The following WWC2 variants were observed in gnomAD, a reference collection of about 807,000 sequenced individuals.
The protein encoded by WWC2 is protein WWC2.
Under a neutral mutation model 138.5 loss-of-function variants are expected in WWC2, and 101 were observed. The observed-to-expected ratio is 0.73, with a 90% CI of 0.62 to 0.86. The LOEUF is 0.86. WWC2 is among the 40% of genes least tolerant of loss of function. The pLI is 0.00. For missense variants in WWC2, 1,420 were observed against 1,419.4 expected (o/e 1.00, Z -0.01); for synonymous variants, 558 against 538.4 (o/e 1.04, Z -0.50).
chr4:183,240,912 G>T (rs1736596619), intron 5 of WWC2, among the ~76,000 whole-genome samples: 1 of 152,172 alleles, frequency 6.6e-6, no homozygotes, highest in Non-Finnish European at 1.5e-5. Flanking sequence ...ACAGGATGAG[G>T]ATATCCCTTC....
At chr4:183,139,593 C>T (rs1284336257) in intron 1 of WWC2, among the ~76,000 whole-genome samples, 2 of 152,182 alleles carry the variant, frequency 1.3e-5, no homozygotes, top group African/African-American at 2.4e-5. Flanking sequence ...ACAGAGCCCA[C>T]TCTTGACAGA....
At chr4:183,300,449 G>T (rs1412325956) in intron 21 of WWC2, among the ~76,000 whole-genome samples, 1 of 151,054 alleles carries the variant, frequency 6.6e-6, no homozygotes, top group African/African-American at 2.4e-5. Context: ...TAATGCAAAT[G>T]TTAACACTCT....
intron 16 of WWC2, among the ~76,000 whole-genome samples, chr4:183,271,970 C>T (rs1475285123): frequency 2.6e-5 from 4 of 152,138 alleles, no homozygotes; most frequent in Non-Finnish European, 4.4e-5. Flanking sequence ...CATGCCACTG[C>T]ACTCCAGCCT....
chr4:183,253,850 T>A lies in WWC2; in HGVS notation c.1047T>A (p.Asn349Lys). Residue 349 changes from asparagine (N) to lysine (K), a missense_variant, in exon 9 of 23, where the codon AAT becomes AAA. Physicochemically the swap from Asn to Lys is moderately conservative, Grantham distance 94. Coordinates refer to ENST00000403733, the MANE Select transcript of WWC2 (RefSeq NM_024949.6). ...DIEKEKLMLI[N>K]EKEELLKELQ... ...AGAAGGAAAAACTGATGCTGATTAA[T>A]GAAAAAGAAGAACTTTTGAAAGAGC... 6.2e-7 allele frequency: 1 copy of A among 1,613,748 alleles called. No individual in the cohort carries two copies. The highest frequency in any genetic ancestry group is 8.5e-7 in the Non-Finnish European group (1 of 1,179,820).
At chr4:183,265,575 A>G in intron 12 of WWC2, 113 bp from the exon 13 acceptor site, 1 of 1,062,242 alleles carries the variant, frequency 9.4e-7, no homozygotes, top group Non-Finnish European at 1.4e-6. Flanking sequence ...CTGGGAGGGC[A>G]TAGGAGTGCT....
intron 1 of WWC2, among the ~76,000 whole-genome samples, chr4:183,162,395 C>T (rs898824151): frequency 6.6e-6 from 1 of 152,186 alleles, no homozygotes; most frequent in Non-Finnish European, 1.5e-5. Flanking sequence ...CATATTTCAG[C>T]TTGCAAGGTA....
intron 1 of WWC2, among the ~76,000 whole-genome samples, chr4:183,142,513 CAA>C (rs1257977095): frequency 6.6e-6 from 1 of 152,188 alleles, no homozygotes; most frequent in African/African-American, 2.4e-5. Flanking sequence ...TTGACCCCGA[CAA>C]AGAGAGTGTG....
intron 16 of WWC2, among the ~76,000 whole-genome samples, chr4:183,279,529 T>G (rs1737994861): frequency 6.6e-6 from 1 of 152,230 alleles, no homozygotes; most frequent in African/African-American, 2.4e-5. Context: ...TTCTATTGAT[T>G]GGAATAGTTT....
chr4:183,192,178 C>G (rs1735009689), intron 1 of WWC2, among the ~76,000 whole-genome samples: 1 of 152,216 alleles, frequency 6.6e-6, no homozygotes, highest in South Asian at 2.1e-4. Flanking sequence ...TAATCACTGA[C>G]ATTTATTGAC....
At chr4:183,292,583 A>G (rs942169345) in intron 21 of WWC2, among the ~76,000 whole-genome samples, 7 of 151,860 alleles carry the variant, frequency 4.6e-5, no homozygotes, top group East Asian at 1.9e-4. Context: ...AAGAATAAAA[A>G]GGATAGAAAA....
chr4:183,152,703 T>C lies in WWC2; in HGVS notation c.132-40896T>C, dbSNP rs557862736. 4.0e-5 allele frequency among the ~76,000 whole-genome samples: 6 copies of C among 151,866 alleles called. No homozygotes were observed. In the South Asian group the frequency reaches 1.0e-3, roughly 26 times the overall value. ...TTCAAGACCAGCCTGGCCAACATGG[T>C]GAAACCTGTCTTTACTAAATATACA... On this transcript the variant is annotated intron_variant, in intron 1 of 22. Coordinates refer to ENST00000403733, the MANE Select transcript of WWC2 (RefSeq NM_024949.6).
At chr4:183,220,691 G>T (rs1370687328) in intron 4 of WWC2, among the ~76,000 whole-genome samples, 1 of 152,008 alleles carries the variant, frequency 6.6e-6, no homozygotes, top group Non-Finnish European at 1.5e-5. Flanking sequence ...AAAAGTAGCC[G>T]GGCGTGGTGG....
rs1739594315 is a variant in WWC2, at chr4:183,320,114, G to T, written c.*4385G>T. On this transcript the variant is annotated 3_prime_UTR_variant, in exon 23 of 23. Coordinates refer to ENST00000403733, the MANE Select transcript of WWC2 (RefSeq NM_024949.6). ...CCATTTCATTTAAGTCCAGGTTGAG[G>T]TTCTTCCAGTGTGGCAGGTAGTTTG... is the stretch of plus-strand genomic sequence containing the variant. The T allele has an allele frequency of 6.2e-7, 1 of 1,614,118 alleles. No individual in the cohort carries two copies. Among genetic ancestry groups the T allele is most frequent in the East Asian group, 2.2e-5 (1 of 44,884 alleles).
chr4:183,297,154 G>A (rs1738659841), intron 21 of WWC2, among the ~76,000 whole-genome samples: 1 of 151,432 alleles, frequency 6.6e-6, no homozygotes, highest in Non-Finnish European at 1.5e-5. Flanking sequence ...TTATTTTTTT[G>A]TAGAAACCGG....
At chr4:183,243,736 ACTGTGTGTGTGTGTGT>A (rs1309052216) in intron 5 of WWC2, among the ~76,000 whole-genome samples, 4 of 115,212 alleles carry the variant, frequency 3.5e-5, no homozygotes, top group African/African-American at 1.4e-4. Flanking sequence ...CATTCTAAAC[ACTGTGTGTGTGTGTGT>A]GTGTGTGTGT....
intron 21 of WWC2, among the ~76,000 whole-genome samples, chr4:183,311,413 G>A (rs1047503600): frequency 1.3e-5 from 2 of 152,110 alleles, no homozygotes; most frequent in Non-Finnish European, 2.9e-5. Context: ...TCTGTTTACT[G>A]TTCCATCTAT....
intron 6 of WWC2, among the ~76,000 whole-genome samples, chr4:183,246,046 G>C (rs576864496): frequency 1.3e-5 from 2 of 152,164 alleles, no homozygotes; most frequent in Non-Finnish European, 2.9e-5. Flanking sequence ...TGACCCAGCT[G>C]GGGGATGCCT....
intron 15 of WWC2, among the ~76,000 whole-genome samples, chr4:183,270,653 AT>A (rs35075899): frequency 0.29 from 44,292 of 151,930 alleles, 6,842 homozygotes; most frequent in South Asian, 0.42. Context: ...AATCCCAGCT[AT>A]TCAGGAGGCT....
intron 5 of WWC2, among the ~76,000 whole-genome samples, chr4:183,244,584 T>TATATAG (rs1553970894): frequency 6.7e-6 from 1 of 148,324 alleles, no homozygotes; most frequent in Admixed American, 6.8e-5. Flanking sequence ...TATATATATA[T>TATATAG]AGAGAGAGAG....
Sources: allele counts gnomAD v4.1 joint callset (sites outside exome capture counted in the v4.1 genomes callset), GRCh38; gene constraint gnomAD v4.1.1; transcripts MANE v1.5; gene names NCBI Gene and HGNC (gene_info 2026-07-23, HGNC 2026-07-21).